The following SHKBP1 variants were observed in gnomAD, a reference collection of about 807,000 sequenced individuals.
The protein encoded by SHKBP1 is SH3KBP1 binding protein 1, also known as SH3KBP1-binding protein 1.
SHKBP1 carries 71 observed loss-of-function variants against 83.9 expected under a neutral mutation model. The ratio of observed to expected loss-of-function variants is 0.85; its 90% CI spans 0.70 to 1.03. The LOEUF (loss-of-function observed/expected upper bound fraction) is 1.03. SHKBP1 is among the 50% of genes least tolerant of loss of function. The probability of loss-of-function intolerance (pLI) is 0.00; values close to 1 mark genes in which losing one functional copy is unlikely to be tolerated. For missense variants in SHKBP1, 824 were observed against 982.4 expected (o/e 0.84, Z 2.16); for synonymous variants, 371 against 398.0 (o/e 0.93, Z 0.81).
At chr19:40,577,207 C>T (rs2081222564) in intron 1 of SHKBP1, 24 bp from the exon 2 acceptor site, 2 of 1,612,494 alleles carry the variant, frequency 1.2e-6, no homozygotes, top group Admixed American at 1.7e-5. Flanking sequence ...TCATCTCTTG[C>T]GTCCGTTTAC....
intron 12 of SHKBP1, among the ~76,000 whole-genome samples, chr19:40,584,153 C>T (rs1428706869): frequency 2.0e-5 from 3 of 152,146 alleles, no homozygotes; most frequent in Admixed American, 6.6e-5. Context: ...ATTCAACTCT[C>T]ATCCAGTCAT....
intron 10 of SHKBP1, 61 bp downstream of exon 10, chr19:40,582,527 G>A (rs1035131606): frequency 7.5e-6 from 11 of 1,462,406 alleles, no homozygotes; most frequent in Non-Finnish European, 1.0e-5. Context: ...ACAGACCCAG[G>A]AAGGGGTTCA....
chr19:40,584,249 G>A (rs1262509159), intron 12 of SHKBP1, among the ~76,000 whole-genome samples: 1 of 151,966 alleles, frequency 6.6e-6, no homozygotes, highest in East Asian at 1.9e-4. Flanking sequence ...GGGCAGAATG[G>A]ACCATTAGGA....
intron 3 of SHKBP1, 28 bp downstream of exon 3, chr19:40,577,469 T>C: frequency 7.8e-7 from 1 of 1,288,260 alleles, no homozygotes; most frequent in South Asian, 1.2e-5. Flanking sequence ...TGAAATGGGA[T>C]GGGGGGGAGG....
chr19:40,581,715 G>T (rs2081271814), intron 9 of SHKBP1, among the ~76,000 whole-genome samples: 1 of 152,068 alleles, frequency 6.6e-6, no homozygotes, highest in Non-Finnish European at 1.5e-5. Flanking sequence ...GCAAGACCCT[G>T]TCTCAAAGCC....
chr19:40,587,537 G>C (rs2081322411), intron 13 of SHKBP1, among the ~76,000 whole-genome samples: 1 of 152,172 alleles, frequency 6.6e-6, no homozygotes, highest in South Asian at 2.1e-4. Flanking sequence ...ATTGCAGAGA[G>C]CCCAGATCAT....
In SHKBP1 at chr19:40,590,816, T is replaced by G; in HGVS notation, c.1855T>G (p.Cys619Gly). ...PPAPSAPSWG[C>G]LPSPSPRISL... is the part of the protein sequence containing the mutation. ...GGCTCCTTCAGCTCCCTCATGGGGC[T>G]GTCTCCCCAGCCCCTCACCCCGCAT... Residue 619 changes from cysteine (C) to glycine (G), a missense_variant, in exon 17 of 18, where the codon TGT becomes GGT. By Grantham distance (159) the Cys-to-Gly change is radical. Transcript: ENST00000291842. The surrounding 1 kb of genome is among the most constrained non-coding windows in gnomAD (Gnocchi z 4.6). The G allele has an allele frequency of 6.3e-7, 1 of 1,598,602 alleles. No homozygotes were observed. The highest frequency in any genetic ancestry group is 8.6e-7 in the Non-Finnish European group (1 of 1,167,548).
chr19:40,590,490 C>T lies in SHKBP1; in HGVS notation c.1768+68C>T. ...CTCACCCAGAACCACTCTCCACTGCCAACTGCTTGATCTCTCTCCCAGGCC... is the reference window on the plus strand; with the variant it reads ...CTCACCCAGAACCACTCTCCACTGCTAACTGCTTGATCTCTCTCCCAGGCC... On this transcript the variant is annotated intron_variant, in intron 16 of 17. Coordinates refer to ENST00000291842, the MANE Select transcript of SHKBP1 (RefSeq NM_138392.4). The surrounding 1 kb of genome is among the most constrained non-coding windows in gnomAD (Gnocchi z 4.6). The T allele has an allele frequency of 6.6e-7, 1 of 1,505,494 alleles. No individual in the cohort carries two copies. The highest frequency in any genetic ancestry group is 9.0e-7 in the Non-Finnish European group (1 of 1,111,638). The allele number at this position is 1,505,494 out of a possible 1,614,324, so 93.3% of individuals were successfully genotyped here.
intron 6 of SHKBP1, 37 bp from the exon 7 acceptor site, chr19:40,580,287 A>G (rs754306441): frequency 6.3e-7 from 1 of 1,585,570 alleles, no homozygotes; most frequent in Non-Finnish European, 8.6e-7. Context: ...AGCCACGATT[A>G]CAATGACTGT....
Position 40,590,917 on chromosome 19 carries a change from G to T in SHKBP1, c.1893-59G>T, listed in dbSNP as rs1599850633. 2 of 1,570,920 alleles carry T rather than the reference G, an allele frequency of 1.3e-6. No individual in the cohort carries two copies. The highest frequency in any genetic ancestry group is 2.3e-5 in the East Asian group (1 of 43,930). On this transcript the variant is annotated intron_variant, in intron 17 of 17. Transcript: ENST00000291842. This position sits in a 1 kb window ranked among gnomAD's most constrained non-coding sequence, Gnocchi z 4.6. Reference sequence around the variant, plus strand: ...GAGAGGGGACAGCATGGTGTTCCCGGGGACAGAGTGGCCCAGCTGCCCCGT... The same window carrying T: ...GAGAGGGGACAGCATGGTGTTCCCGTGGACAGAGTGGCCCAGCTGCCCCGT...
At chr19:40,586,686 GTC>G in intron 12 of SHKBP1, 86 bp from the exon 13 acceptor site, 1 of 1,298,590 alleles carries the variant, frequency 7.7e-7, no homozygotes, top group Non-Finnish European at 1.0e-6. Flanking sequence ...TTCTGACTGT[GTC>G]TCTGTTCTGT....
At chr19:40,581,040 C>G in intron 9 of SHKBP1, 104 bp downstream of exon 9, 2 of 1,101,300 alleles carry the variant, frequency 1.8e-6, no homozygotes, top group South Asian at 1.8e-5. Context: ...ATTCTCTGCT[C>G]TATTAGATCT....
At chr19:40,578,684 T>C (rs1286252948) in intron 6 of SHKBP1, 142 bp downstream of exon 6, 23 of 741,276 alleles carry the variant, frequency 3.1e-5, no homozygotes, top group Non-Finnish European at 4.6e-5. Context: ...CTTGGGCTGA[T>C]GCTTGGAAAG....
chr19:40,591,112 C>T lies in SHKBP1; in HGVS notation c.2029C>T (p.Leu677Phe). The T allele has an allele frequency of 6.2e-7, 1 of 1,609,820 alleles. No individual in the cohort carries two copies. Among genetic ancestry groups the T allele is most frequent in the Non-Finnish European group, 8.5e-7 (1 of 1,176,648 alleles). Residue 677 changes from leucine (L) to phenylalanine (F), a missense_variant, in exon 18 of 18, where the codon CTC (leucine) becomes TTC (phenylalanine). Leu to Phe is a conservative substitution (Grantham distance 22, BLOSUM62 0). Around this residue, in one of 3 missense-constraint regions of SHKBP1, gnomAD observed 287 missense variants for 322.9 expected, o/e 0.89. Transcript: ENST00000291842. The stretch of plus-strand genomic sequence containing the variant: ...GGAACTGGTGCGGAGTGGGCCAGAC[C>T]TCCGACGGCCACCCACACCAGCCCC... Reference protein sequence around the residue: ...CQELVRSGPDLRRPPTPAPWP... With the variant: ...CQELVRSGPDFRRPPTPAPWP...
rs146931471 is a variant in SHKBP1, at chr19:40,580,811, G to C, written c.719G>C (p.Arg240Pro). The change falls in exon 9 of 18, where the codon CGA becomes CCA. Residue 240 changes from arginine (R) to proline (P), a missense_variant. Physicochemically the swap from Arg to Pro is moderately radical, Grantham distance 103 (BLOSUM62 -2). Transcript: ENST00000291842. Reference protein sequence around the residue: ...SSPRLDWPIERLALTARVHGG... With the variant: ...SSPRLDWPIEPLALTARVHGG... The stretch of plus-strand genomic sequence containing the variant: ...CCCCGCCTGGACTGGCCCATCGAAC[G>C]ACTGGCGCTCACAGCCCGGGTGCAT... 2.5e-6 allele frequency: 4 copies of C among 1,613,210 alleles called. No individual in the cohort carries two copies. Among genetic ancestry groups the C allele is most frequent in the Non-Finnish European group, 3.4e-6 (4 of 1,179,584 alleles).
At chr19:40,586,382 T>C (rs1449853539) in intron 12 of SHKBP1, among the ~76,000 whole-genome samples, 1 of 151,604 alleles carries the variant, frequency 6.6e-6, no homozygotes, top group African/African-American at 2.4e-5. Flanking sequence ...TTTTTTTTTT[T>C]TTGAGACAGA....
Position 40,582,388 on chromosome 19 carries a change from C to G in SHKBP1, c.882C>G (p.Phe294Leu). 1 of 1,614,132 alleles carries G rather than the reference C, an allele frequency of 6.2e-7. No homozygotes were observed. Among genetic ancestry groups the G allele is most frequent in the Non-Finnish European group, 8.5e-7 (1 of 1,180,018 alleles). ...TGGGGGTGCCTGTGGAGGCCTTGTTCTTCGTCGGGAACCAGCTCATTGCTA... is the reference window on the plus strand; with the variant it reads ...TGGGGGTGCCTGTGGAGGCCTTGTTGTTCGTCGGGAACCAGCTCATTGCTA... The part of the protein sequence containing the change: ...FHLGVPVEAL[F>L]FVGNQLIATS... Residue 294 changes from phenylalanine to leucine, a missense_variant, in exon 10 of 18, where the codon TTC (phenylalanine) becomes TTG (leucine). By Grantham distance (22) the Phe-to-Leu change is conservative. Around this residue, in one of 3 missense-constraint regions of SHKBP1, gnomAD observed 182 missense variants for 273.1 expected, o/e 0.67. Transcript: ENST00000291842.
At chr19:40,578,374 G>C in intron 5 of SHKBP1, 88 bp from the exon 6 acceptor site, 2 of 1,506,358 alleles carry the variant, frequency 1.3e-6, no homozygotes, top group Admixed American at 3.4e-5. Context: ...AGGAGTATTG[G>C]TACTCTGTGT....
chr19:40,579,897 G>A (rs975086130), intron 6 of SHKBP1, among the ~76,000 whole-genome samples: 22 of 151,966 alleles, frequency 1.4e-4, no homozygotes, highest in Non-Finnish European at 2.1e-4. Context: ...GCCATGTGTC[G>A]TGGTGGGTGC....
Sources: allele counts gnomAD v4.1 joint callset (sites outside exome capture counted in the v4.1 genomes callset), GRCh38; gene constraint gnomAD v4.1.1; regional missense constraint gnomAD v4.1.1; non-coding constraint Gnocchi (gnomAD v3.1); transcripts MANE v1.5; gene names NCBI Gene and HGNC (gene_info 2026-07-23, HGNC 2026-07-21).